SOS1: variants seen among roughly 807,000 people sequenced by gnomAD.
SOS1 encodes the protein SOS Ras/Rac guanine nucleotide exchange factor 1.
SOS1 carries 25 observed loss-of-function variants against 157.6 expected under a neutral mutation model. That is an observed-to-expected ratio of 0.16 (90% CI 0.12 to 0.22). The LOEUF is 0.22. Ranked by LOEUF, SOS1 falls within the 10% of genes least tolerant of loss-of-function variation. The pLI is 1.00. For synonymous variants in SOS1, 528 were observed against 534.0 expected, an observed-to-expected ratio of 0.99 and a Z score of 0.16; for missense variants, 1,237 against 1,599.1, an observed-to-expected ratio of 0.77 and a Z score of 3.86.
chr2:39,123,558 A>T (rs1673970132), upstream of SOS1, among the ~76,000 whole-genome samples: 1 of 151,384 alleles, frequency 6.6e-6, no homozygotes, highest in Admixed American at 6.6e-5. Flanking sequence ...GGGTTTCGCT[A>T]GGTTGGCCAG....
intron 1 of SOS1, among the ~76,000 whole-genome samples, chr2:39,099,764 G>C (rs1056915845): frequency 6.6e-6 from 1 of 152,140 alleles, no homozygotes; most frequent in African/African-American, 2.4e-5. Flanking sequence ...TTTGGAGACA[G>C]AGTCTCACTC....
chr2:39,056,765 T>C lies in SOS1; in HGVS notation c.447A>G (p.Val149=), dbSNP rs765311273. 6.2e-7 allele frequency: 1 copy of C among 1,601,552 alleles called. No homozygotes were observed. Among genetic ancestry groups the C allele is most frequent in the Admixed American group, 1.7e-5 (1 of 60,016 alleles). The change falls in exon 4 of 23, where the codon GTA becomes GTG. Residue 149 remains valine, a synonymous_variant. Coordinates refer to ENST00000402219, the MANE Select transcript of SOS1 (RefSeq NM_005633.4). ...ADILKLVGNY[V]RNIRHYEITK... ...TAATTTCATAATGCCGTATATTTCT[T>C]ACATAATTCCCAACCAGCTTTAAAA...
intron 17 of SOS1, among the ~76,000 whole-genome samples, chr2:38,999,937 T>C (rs1669033893): frequency 6.6e-6 from 1 of 152,086 alleles, no homozygotes; most frequent in South Asian, 2.1e-4. Context: ...GCCAGGTGGG[T>C]TGGAAGGAGT....
chr2:39,113,550 A>C (rs1673521556), intron 1 of SOS1, among the ~76,000 whole-genome samples: 1 of 152,002 alleles, frequency 6.6e-6, no homozygotes, highest in Non-Finnish European at 1.5e-5. Flanking sequence ...TAAATAAATA[A>C]AATAATTTTA....
chr2:39,086,074 T>C (rs989212400), intron 1 of SOS1, among the ~76,000 whole-genome samples: 3 of 152,360 alleles, frequency 2.0e-5, no homozygotes, highest in South Asian at 2.1e-4. Context: ...TACCAATATA[T>C]TGCCAATCTT....
chr2:39,018,677 G>C (rs1410249258), intron 10 of SOS1, among the ~76,000 whole-genome samples: 1 of 151,564 alleles, frequency 6.6e-6, no homozygotes, highest in Non-Finnish European at 1.5e-5. Context: ...TATTTGACAA[G>C]GTCAATGAAA....
chr2:38,987,624 A>T, intron 21 of SOS1, 33 bp from the exon 22 acceptor site: 1 of 1,039,472 alleles, frequency 9.6e-7, no homozygotes, highest in Non-Finnish European at 1.5e-6. Context: ...GAAAAAGTCC[A>T]CAGGAATTTT....
At chr2:39,008,611 G>A (rs1669357754) in intron 15 of SOS1, among the ~76,000 whole-genome samples, 1 of 152,160 alleles carries the variant, frequency 6.6e-6, no homozygotes, top group Non-Finnish European at 1.5e-5. Flanking sequence ...GAGCCCTCCT[G>A]GGGTCAGAAC....
intron 5 of SOS1, among the ~76,000 whole-genome samples, chr2:39,052,671 C>G (rs940561073): frequency 3.3e-5 from 5 of 152,202 alleles, no homozygotes; most frequent in Admixed American, 6.5e-5. Flanking sequence ...GGTCATACCA[C>G]AGTTTGTTTA....
chr2:39,112,444 C>T (rs530669465), intron 1 of SOS1, among the ~76,000 whole-genome samples: 1 of 152,242 alleles, frequency 6.6e-6, no homozygotes, highest in East Asian at 1.9e-4. Context: ...ACTACAGGTG[C>T]GTACCACCAT....
chr2:39,091,032 C>T (rs1427100907), intron 1 of SOS1, among the ~76,000 whole-genome samples: 1 of 152,156 alleles, frequency 6.6e-6, no homozygotes, highest in Non-Finnish European at 1.5e-5. Flanking sequence ...CCACACCTGG[C>T]TAATTTTTGT....
At chr2:39,079,835 G>A (rs758192461) in intron 1 of SOS1, among the ~76,000 whole-genome samples, 3 of 151,986 alleles carry the variant, frequency 2.0e-5, no homozygotes, top group Non-Finnish European at 4.4e-5. Context: ...GTACATACAT[G>A]TTCATTTCAT....
In SOS1 at chr2:39,024,115, T is replaced by G; in HGVS notation, c.1097A>C (p.Asp366Ala). The change falls in exon 9 of 23, where the codon GAT becomes GCT. Residue 366 changes from aspartate (D) to alanine (A), a missense_variant. By Grantham distance (126) the Asp-to-Ala change is moderately radical. This residue lies in a region of SOS1 where 101 missense variants were observed against 171.5 expected (regional missense o/e 0.59). Coordinates refer to ENST00000402219, the MANE Select transcript of SOS1 (RefSeq NM_005633.4). ...TTTTAAACATTCCTTGTCTTCTTGA[T>G]CTTCACTTTTTTCTTCTAACTGCTG... ...LLKQLEEKSEDQEDKECLKQA... is the reference protein window; with the variant it reads ...LLKQLEEKSEAQEDKECLKQA... 2 of 1,611,350 alleles carry G rather than the reference T, an allele frequency of 1.2e-6. No individual in the cohort carries two copies. The highest frequency in any genetic ancestry group is 1.7e-6 in the Non-Finnish European group (2 of 1,177,702).
rs770627276 is a variant in SOS1, at chr2:39,120,412, T to C, written c.11A>G (p.Gln4Arg). The change falls in exon 1 of 23, where the codon CAG becomes CGG. Residue 4 changes from glutamine to arginine, a missense_variant. By Grantham distance (43) the Gln-to-Arg change is conservative. Coordinates refer to ENST00000402219, the MANE Select transcript of SOS1 (RefSeq NM_005633.4). The stretch of plus-strand genomic sequence containing the variant: ...GCTGAAAAACTCGTAGGGCAGCTGC[T>C]GCGCCTGCATGGTGCCCCCGGGGCG... MQA[Q>R]QLPYEFFSEE... The C allele has an allele frequency of 6.3e-7, 1 of 1,590,780 alleles. No homozygotes were observed. Among genetic ancestry groups the C allele is most frequent in the Non-Finnish European group, 8.5e-7 (1 of 1,170,452 alleles).
In SOS1 at chr2:38,983,461, T is replaced by C. The variant is rs1668459416; in HGVS notation, c.*2363A>G. ...CATGTAAAACTGTTGCACAGTGAAG[T>C]GGTCTCCTAGAACCATGGGGTAGAA... is the stretch of plus-strand genomic sequence containing the variant. On this transcript the variant is annotated 3_prime_UTR_variant, in exon 23 of 23. Transcript: ENST00000402219. The C allele has an allele frequency of 6.6e-6, 1 of 152,170 alleles. No individual in the cohort carries two copies. Among genetic ancestry groups the C allele is most frequent in the Non-Finnish European group, 1.5e-5 (1 of 68,014 alleles). The allele number at this position is 152,170 out of a possible 1,614,324, so 9.4% of individuals were successfully genotyped here. A position where few individuals can be genotyped will look rare whatever the true frequency, so the allele number is the denominator to read the frequency against.
intron 8 of SOS1, chr2:39,034,801 A>C: frequency 2.2e-6 from 1 of 457,124 alleles, no homozygotes; most frequent in South Asian, 1.5e-5. Context: ...TTATCCTCAC[A>C]CTGGCTCCCT....
chr2:39,100,674 G>A (rs1298586145), intron 1 of SOS1, among the ~76,000 whole-genome samples: 1 of 152,194 alleles, frequency 6.6e-6, no homozygotes, highest in African/African-American at 2.4e-5. Context: ...CAAGCAGTTT[G>A]GGAAGCCAAG....
rs1054843148 is a variant in SOS1, at chr2:39,015,802, CT to C, written c.1859-957del. 7.0e-3 allele frequency among the ~76,000 whole-genome samples: 608 copies of C among 87,412 alleles called. 2 individuals carry two copies. Among genetic ancestry groups the C allele is most frequent in the Admixed American group, 0.015 (122 of 8,300 alleles). The allele number at this position is 87,412 out of a possible 152,430, so 57.3% of individuals were successfully genotyped here. ...TCAAGGCCCACATTTAATTGTAAATCTTTTTTTTTTTTTTTTTTTTTTTTAA... is the reference window on the plus strand; with the variant it reads ...TCAAGGCCCACATTTAATTGTAAATCTTTTTTTTTTTTTTTTTTTTTTTAA... On this transcript the variant is annotated intron_variant, in intron 10 of 22. Coordinates refer to ENST00000402219, the MANE Select transcript of SOS1 (RefSeq NM_005633.4).
chr2:39,081,577 C>A (rs906904567), intron 1 of SOS1, among the ~76,000 whole-genome samples: 2 of 151,990 alleles, frequency 1.3e-5, no homozygotes, highest in Admixed American at 6.6e-5. Flanking sequence ...GTAATCCCGG[C>A]ACTTTGGGAG....
Sources: allele counts gnomAD v4.1 joint callset (sites outside exome capture counted in the v4.1 genomes callset), GRCh38; gene constraint gnomAD v4.1.1; regional missense constraint gnomAD v4.1.1; transcripts MANE v1.5; gene names NCBI Gene and HGNC (gene_info 2026-07-23, HGNC 2026-07-21).